The following SLC45A4 variants were observed in gnomAD, a reference collection of about 807,000 sequenced individuals.
The protein encoded by SLC45A4 is solute carrier family 45 member 4, also known as polyamine-transporter SLC45A4.
SLC45A4 carries 32 observed loss-of-function variants against 63.7 expected under a neutral mutation model. The observed-to-expected ratio is 0.50, with a 90% CI of 0.38 to 0.67. The LOEUF (loss-of-function observed/expected upper bound fraction) is 0.67, where lower values mean the gene tolerates loss of function less well. SLC45A4 is among the 30% of genes least tolerant of loss of function. The pLI, the probability that SLC45A4 is intolerant of heterozygous loss-of-function variation, is 0.00. For missense variants in SLC45A4, 1,027 were observed against 1,157.7 expected, an observed-to-expected ratio of 0.89 and a Z score of 1.64; for synonymous variants, 535 against 510.0, an observed-to-expected ratio of 1.05 and a Z score of -0.66.
At position 141,288,783 on chromosome 8, in the gene SLC45A4, G is replaced by A. The variant is rs1830246528; in HGVS notation, c.-401+19313C>T. On this transcript the variant is annotated intron_variant, in intron 1 of 8. Transcript: ENST00000517878. ...AGGGTGCCGGCCCTGGCTACTTCAT[G>A]CAGAGCCACTGCTGGGTTGGGAAAG... is the stretch of plus-strand genomic sequence containing the variant. 2.0e-5 allele frequency among the ~76,000 whole-genome samples: 3 copies of A among 152,342 alleles called. No individual in the cohort carries two copies. The South Asian group carries it at 6.2e-4, about 32-fold the overall frequency.
At chr8:141,271,832 G>A (rs1398062239) in intron 1 of SLC45A4, among the ~76,000 whole-genome samples, 3 of 150,410 alleles carry the variant, frequency 2.0e-5, no homozygotes, top group South Asian at 2.1e-4. Context: ...ACGTGTGCAT[G>A]CAACACACAC....
In SLC45A4 at chr8:141,213,565, C is replaced by T. The variant is rs548119722; in HGVS notation, c.1942-1009G>A. ...CAACATTAAAACCTGCATGGTGCAGCTAAAGGTGTGTGTGGAGGGAAACTG... is the reference window on the plus strand; with the variant it reads ...CAACATTAAAACCTGCATGGTGCAGTTAAAGGTGTGTGTGGAGGGAAACTG... On this transcript the variant is annotated intron_variant, in intron 7 of 8. Coordinates refer to ENST00000517878, the MANE Select transcript of SLC45A4 (RefSeq NM_001286646.2). Among the ~76,000 whole-genome samples, 9 of 152,356 alleles carry T rather than the reference C, an allele frequency of 5.9e-5. No individual in the cohort carries two copies. In the East Asian group the frequency reaches 1.7e-3, roughly 29 times the overall value.
chr8:141,258,882 CCT>C (rs1828928559), intron 1 of SLC45A4, among the ~76,000 whole-genome samples: 1 of 134,386 alleles, frequency 7.4e-6, no homozygotes, highest in South Asian at 2.4e-4. Context: ...CACAGTGAGA[CCT>C]CTTTTTTTTA....
At chr8:141,299,764 G>A (rs547661590) in intron 1 of SLC45A4, among the ~76,000 whole-genome samples, 1 of 152,350 alleles carries the variant, frequency 6.6e-6, no homozygotes, top group African/African-American at 2.4e-5. Flanking sequence ...GGACTCTGCT[G>A]TACCTGTTCT....
intron 1 of SLC45A4, among the ~76,000 whole-genome samples, chr8:141,280,413 G>C (rs1181452780): frequency 6.6e-6 from 1 of 152,244 alleles, no homozygotes; most frequent in Non-Finnish European, 1.5e-5. Context: ...AGGGAACAAA[G>C]GAGCATTCAA....
chr8:141,274,943 C>T (rs961298412), intron 1 of SLC45A4, among the ~76,000 whole-genome samples: 1 of 152,234 alleles, frequency 6.6e-6, no homozygotes, highest in African/African-American at 2.4e-5. Flanking sequence ...GTTCAGAGGG[C>T]CACTGCGGAT....
chr8:141,238,839 C>T (rs1012691746), intron 2 of SLC45A4, among the ~76,000 whole-genome samples: 3 of 152,194 alleles, frequency 2.0e-5, no homozygotes, highest in African/African-American at 2.4e-5. Context: ...GCAGAGCAGG[C>T]TGCCCCGCCC....
intron 2 of SLC45A4, chr8:141,224,546 A>G (rs1826859169): frequency 6.6e-6 from 1 of 152,222 alleles, no homozygotes; most frequent in Admixed American, 6.5e-5. Context: ...GGCCTCCTGG[A>G]TTCAAGCAAT....
chr8:141,260,402 T>C (rs1279773959), intron 1 of SLC45A4, among the ~76,000 whole-genome samples: 2 of 152,218 alleles, frequency 1.3e-5, no homozygotes, highest in East Asian at 1.9e-4. Context: ...CATCACCTCA[T>C]GTTAACCAAC....
intron 1 of SLC45A4, among the ~76,000 whole-genome samples, chr8:141,283,356 A>G (rs2154615122): frequency 6.6e-6 from 1 of 152,282 alleles, no homozygotes; most frequent in East Asian, 1.9e-4. Context: ...AGCAGGCCCA[A>G]CAGTCTCACG....
chr8:141,255,611 G>A (rs2154614713), intron 1 of SLC45A4, among the ~76,000 whole-genome samples: 1 of 152,210 alleles, frequency 6.6e-6, no homozygotes, highest in East Asian at 1.9e-4. Context: ...AGCTACTCAG[G>A]AGGGTGAGGC....
At chr8:141,247,269 T>C (rs1026912256) in intron 2 of SLC45A4, among the ~76,000 whole-genome samples, 1 of 152,240 alleles carries the variant, frequency 6.6e-6, no homozygotes, top group Non-Finnish European at 1.5e-5. Flanking sequence ...TATACTACTC[T>C]ATAGAACGAT....
chr8:141,301,986 A>T (rs1830760737), intron 1 of SLC45A4, among the ~76,000 whole-genome samples: 1 of 152,028 alleles, frequency 6.6e-6, no homozygotes, highest in Non-Finnish European at 1.5e-5. Context: ...AGAATGAGGG[A>T]TGAAAAGACT....
intron 1 of SLC45A4, among the ~76,000 whole-genome samples, chr8:141,269,489 T>TGA (rs1211755164): frequency 1.4e-5 from 2 of 145,374 alleles, no homozygotes; most frequent in Non-Finnish European, 3.0e-5. Context: ...TGTGTGTGTG[T>TGA]GATGTCTGCC....
chr8:141,237,601 G>C (rs1827695429), intron 2 of SLC45A4, among the ~76,000 whole-genome samples: 1 of 151,988 alleles, frequency 6.6e-6, no homozygotes, highest in South Asian at 2.1e-4. Context: ...CAGACCTGGA[G>C]GGCCTCCAGG....
intron 2 of SLC45A4, among the ~76,000 whole-genome samples, chr8:141,246,654 G>A (rs759180784): frequency 4.0e-5 from 1 of 24,758 alleles, no homozygotes; most frequent in East Asian, 7.0e-4. Context: ...TGAAGGTCAC[G>A]GGGTCACACA....
chr8:141,248,827 C>T (rs1828336463), intron 2 of SLC45A4, among the ~76,000 whole-genome samples: 1 of 151,922 alleles, frequency 6.6e-6, no homozygotes, highest in Non-Finnish European at 1.5e-5. Context: ...CCAGCCTGGG[C>T]AACATACGGT....
intron 1 of SLC45A4, among the ~76,000 whole-genome samples, chr8:141,280,071 C>A (rs376764403): frequency 5.8e-4 from 88 of 152,326 alleles, no homozygotes; most frequent in African/African-American, 2.1e-3. Flanking sequence ...CACATCAGTT[C>A]GACTCCCCAG....
At position 141,218,461 on chromosome 8, in the gene SLC45A4, G is replaced by T; in HGVS notation, c.1179C>A (p.Asp393Glu). The change falls in exon 5 of 9, where the codon GAC becomes GAA. Residue 393 changes from aspartate to glutamate, a missense_variant. By Grantham distance (45) the Asp-to-Glu change is conservative (BLOSUM62 2). Transcript: ENST00000517878. ...VPNGSGSPTKDALGGYTRVDT... is the reference protein window; with the variant it reads ...VPNGSGSPTKEALGGYTRVDT... ...CCACCCTGGTGTAGCCGCCGAGGGC[G>T]TCTTTTGTGGGGGAGCCACTTCCGT... The T allele has an allele frequency of 1.9e-6, 3 of 1,612,958 alleles. No individual in the cohort carries two copies. The highest frequency in any genetic ancestry group is 2.5e-6 in the Non-Finnish European group (3 of 1,179,938).
Sources: gnomAD v4.1 joint callset for allele counts (sites outside exome capture counted in the v4.1 genomes callset) on GRCh38, gnomAD v4.1.1 for gene constraint, MANE v1.5 for transcripts, NCBI Gene and HGNC (gene_info 2026-07-23, HGNC 2026-07-21) for gene names.